The following SMARCC1 variants were observed in gnomAD, a reference collection of about 807,000 sequenced individuals.
SMARCC1 encodes SWI/SNF complex subunit SMARCC1.
A neutral mutation model predicts 147.4 loss-of-function variants in SMARCC1; 43 were observed. The observed-to-expected ratio is 0.29, with a 90% CI of 0.23 to 0.38. The LOEUF (loss-of-function observed/expected upper bound fraction) is 0.38. Ranked by LOEUF, SMARCC1 falls within the 10% of genes least tolerant of loss-of-function variation. The probability of loss-of-function intolerance (pLI) is 1.00; values close to 1 mark genes in which losing one functional copy is unlikely to be tolerated. For missense variants in SMARCC1, 1,119 were observed against 1,381.1 expected (o/e 0.81, Z 3.01); for synonymous variants, 495 against 484.4 (o/e 1.02, Z -0.29).
At chr3:47,677,612 G>A (rs189277366) in intron 16 of SMARCC1, among the ~76,000 whole-genome samples, 1 of 150,610 alleles carries the variant, frequency 6.6e-6, no homozygotes, top group African/African-American at 2.4e-5. Context: ...AATGCAGTGG[G>A]ACGATCTCAG....
At chr3:47,772,056 G>A (rs899584056) in intron 2 of SMARCC1, among the ~76,000 whole-genome samples, 8 of 150,614 alleles carry the variant, frequency 5.3e-5, no homozygotes, top group African/African-American at 1.2e-4. Flanking sequence ...GTGACAGAGC[G>A]AGACTCTGTC....
At chr3:47,745,144 C>T (rs1226629800) in intron 3 of SMARCC1, among the ~76,000 whole-genome samples, 3 of 152,066 alleles carry the variant, frequency 2.0e-5, no homozygotes, top group Non-Finnish European at 4.4e-5. Context: ...GTGGCAGGTG[C>T]CTGTAATCCC....
Position 47,592,801 on chromosome 3 carries a change from G to C in SMARCC1, c.3044-1964C>G, listed in dbSNP as rs115246317. Among the ~76,000 whole-genome samples the C allele has an allele frequency of 4.2e-3, 601 of 144,448 alleles. 5 individuals carry two copies. The highest frequency in any genetic ancestry group is 0.014 in the African/African-American group (545 of 39,346). 94.8% of individuals were successfully genotyped at this position (144,448 alleles called of 152,430 possible). On this transcript the variant is annotated intron_variant, in intron 26 of 27. Transcript: ENST00000254480. ...TTTTGTAGAGATGGGGTCTCACTAC[G>C]TTTCCCAGGCTGGTAGTCTTGTTTT...
chr3:47,670,874 T>C (rs969165707), intron 18 of SMARCC1, among the ~76,000 whole-genome samples, 157 bp from the exon 19 acceptor site: 2 of 152,074 alleles, frequency 1.3e-5, no homozygotes, highest in African/African-American at 4.8e-5. Context: ...CCTAAACTTC[T>C]ATAAGAAATG....
At chr3:47,595,915 A>G (rs2032271421) in intron 26 of SMARCC1, among the ~76,000 whole-genome samples, 1 of 151,582 alleles carries the variant, frequency 6.6e-6, no homozygotes, top group Non-Finnish European at 1.5e-5. Flanking sequence ...TTTTATTTTT[A>G]GTAGAGACCG....
chr3:47,775,733 G>A (rs527320693), intron 1 of SMARCC1, among the ~76,000 whole-genome samples: 5 of 152,074 alleles, frequency 3.3e-5, no homozygotes, highest in African/African-American at 9.6e-5. Context: ...GATCGCGATC[G>A]TGCCACCGCA....
intron 24 of SMARCC1, among the ~76,000 whole-genome samples, chr3:47,625,140 T>C (rs901974358): frequency 6.6e-6 from 1 of 151,616 alleles, no homozygotes; most frequent in Non-Finnish European, 1.5e-5. Flanking sequence ...CTTCTGTATA[T>C]GTTGGAATTT....
At chr3:47,638,094 TTTG>T (rs1158041985) in intron 22 of SMARCC1, among the ~76,000 whole-genome samples, 2 of 151,870 alleles carry the variant, frequency 1.3e-5, no homozygotes, top group Admixed American at 6.6e-5. Flanking sequence ...AACCACAACT[TTTG>T]TTGTTGTTGT....
intron 26 of SMARCC1, among the ~76,000 whole-genome samples, chr3:47,596,308 G>A (rs1175050564): frequency 1.3e-5 from 2 of 151,942 alleles, no homozygotes; most frequent in East Asian, 1.9e-4. Flanking sequence ...GGTGGCTCAC[G>A]CCTATAATCC....
At chr3:47,635,981 C>T (rs774261500) in intron 23 of SMARCC1, 41 bp downstream of exon 23, 45 of 949,082 alleles carry the variant, frequency 4.7e-5, no homozygotes, top group Admixed American at 1.1e-4. Flanking sequence ...GTGCCTTTTA[C>T]AGTTTTACAT....
chr3:47,769,560 C>A, intron 2 of SMARCC1, among the ~76,000 whole-genome samples: 1 of 151,960 alleles, frequency 6.6e-6, no homozygotes. Context: ...CCACCACTAC[C>A]TGAAAATCCC....
At chr3:47,724,869 T>C (rs2034279799) in intron 6 of SMARCC1, among the ~76,000 whole-genome samples, 1 of 152,068 alleles carries the variant, frequency 6.6e-6, no homozygotes, top group South Asian at 2.1e-4. Flanking sequence ...AAACCAGCCT[T>C]GGCAACATAT....
chr3:47,610,049 C>A lies in SMARCC1; in HGVS notation c.3043+17G>T, dbSNP rs1189898515. On this transcript the variant is annotated intron_variant, in intron 26 of 27. Coordinates refer to ENST00000254480, the MANE Select transcript of SMARCC1 (RefSeq NM_003074.4). ...AGTGACCATAAGCTTTTTCCAAGAG[C>A]AGGGCCTTCCTCTTACCTGGCTGGG... 1 of 1,611,022 alleles carries A rather than the reference C, an allele frequency of 6.2e-7. No homozygotes were observed.
chr3:47,717,979 AC>A (rs1167319030), intron 7 of SMARCC1, among the ~76,000 whole-genome samples: 8 of 150,084 alleles, frequency 5.3e-5, no homozygotes, highest in South Asian at 2.1e-4. Context: ...CATACAGAGC[AC>A]CCCCCCTGCC....
intron 2 of SMARCC1, among the ~76,000 whole-genome samples, chr3:47,766,660 G>A (rs1456580634): frequency 6.6e-6 from 1 of 152,184 alleles, no homozygotes; most frequent in African/African-American, 2.4e-5. Flanking sequence ...TGGAGGGCTT[G>A]TGGGAAAATT....
intron 26 of SMARCC1, among the ~76,000 whole-genome samples, chr3:47,593,475 A>C (rs561132690): frequency 6.6e-6 from 1 of 152,234 alleles, no homozygotes; most frequent in African/African-American, 2.4e-5. Context: ...CCTGGCCTGA[A>C]ATTTTTTTAT....
intron 24 of SMARCC1, among the ~76,000 whole-genome samples, chr3:47,633,773 T>TACAC (rs764020317): frequency 7.6e-5 from 1 of 13,220 alleles, no homozygotes; most frequent in African/African-American, 1.0e-4. Context: ...AATATATATA[T>TACAC]ATATATACAC....
At chr3:47,615,193 C>A (rs1026127662) in intron 25 of SMARCC1, among the ~76,000 whole-genome samples, 1 of 152,158 alleles carries the variant, frequency 6.6e-6, no homozygotes, top group Non-Finnish European at 1.5e-5. Flanking sequence ...GCATATAATA[C>A]CTTATTACTT....
intron 15 of SMARCC1, chr3:47,680,123 G>A (rs1239054085): frequency 4.1e-6 from 1 of 242,356 alleles, no homozygotes; most frequent in Non-Finnish European, 7.8e-6. Context: ...TCAAGAGGCA[G>A]AGATGGGAGG....
Sources: gnomAD v4.1 joint callset for allele counts (sites outside exome capture counted in the v4.1 genomes callset) on GRCh38, gnomAD v4.1.1 for gene constraint, MANE v1.5 for transcripts, NCBI Gene and HGNC (gene_info 2026-07-23, HGNC 2026-07-21) for gene names.